SGCD: variants seen among roughly 807,000 people sequenced by gnomAD.
The protein encoded by SGCD is sarcoglycan delta, also known as delta-sarcoglycan.
A neutral mutation model predicts 36.6 loss-of-function variants in SGCD; 18 were observed. The ratio of observed to expected loss-of-function variants is 0.49; its 90% CI spans 0.34 to 0.73. The LOEUF (loss-of-function observed/expected upper bound fraction) is 0.73, where lower values mean the gene tolerates loss of function less well. SGCD is among the 30% of genes least tolerant of loss of function. The pLI is 0.01. For synonymous variants in SGCD, 133 were observed against 130.6 expected, an observed-to-expected ratio of 1.02 and a Z score of -0.12; for missense variants, 387 against 346.7, an observed-to-expected ratio of 1.12 and a Z score of -0.92.
At chr5:156,751,022 C>CCAAAATGTAT (rs1405542782) in intron 7 of SGCD, among the ~76,000 whole-genome samples, 2 of 152,110 alleles carry the variant, frequency 1.3e-5, no homozygotes, top group Non-Finnish European at 2.9e-5. Flanking sequence ...TAAGTTCATT[C>CCAAAATGTAT]CAAAATGTAT....
chr5:155,985,835 G>T (rs576345084), intron 1 of SGCD, among the ~76,000 whole-genome samples: 5 of 152,262 alleles, frequency 3.3e-5, no homozygotes, highest in Admixed American at 1.3e-4. Context: ...GTGGACAGTT[G>T]TGCCTTTGGA....
At chr5:155,734,706 T>A in the SGCD span, among the ~76,000 whole-genome samples, 1 of 152,226 alleles carries the variant, frequency 6.6e-6, no homozygotes, top group Non-Finnish European at 1.5e-5. Context: ...TCTTTTGAAC[T>A]TTGGGGGATA....
Position 155,974,316 on chromosome 5 carries a change from A to C in SGCD, c.-282+103892A>C, listed in dbSNP as rs138101510. On this transcript the variant is annotated intron_variant, in intron 1 of 9. Coordinates refer to the SGCD transcript ENST00000517913. ...AATATTAGTAATAATGATAAAATGC[A>C]ACTACTACAAAGTTGTAAGGCAACA... Among the ~76,000 whole-genome samples the C allele has an allele frequency of 5.9e-5, 9 of 152,252 alleles. No homozygotes were observed. In the East Asian group the frequency reaches 1.8e-3, roughly 30 times the overall value.
At chr5:156,447,714 C>T (rs558731604) in intron 3 of SGCD, among the ~76,000 whole-genome samples, 1 of 152,208 alleles carries the variant, frequency 6.6e-6, no homozygotes, top group Non-Finnish European at 1.5e-5. Context: ...GGCTTAATAA[C>T]TAGGTGATGG....
At chr5:155,935,823 G>A (rs1182480526) in intron 1 of SGCD, among the ~76,000 whole-genome samples, 4 of 152,182 alleles carry the variant, frequency 2.6e-5, no homozygotes, top group African/African-American at 4.8e-5. Flanking sequence ...CTTGGCTCAC[G>A]CTACCAGCAT....
At chr5:155,774,879 C>A in the SGCD span, among the ~76,000 whole-genome samples, 1 of 152,110 alleles carries the variant, frequency 6.6e-6, no homozygotes, top group African/African-American at 2.4e-5. Context: ...TTCCACAGAC[C>A]CCTACCAGTT....
intron 3 of SGCD, among the ~76,000 whole-genome samples, chr5:156,485,388 C>T (rs774315175): frequency 4.6e-5 from 7 of 152,238 alleles, no homozygotes; most frequent in South Asian, 4.1e-4. Context: ...GTGGGCCATG[C>T]GTGGTGGCTC....
intron 6 of SGCD, among the ~76,000 whole-genome samples, chr5:156,619,019 A>G (rs1351927853): frequency 6.8e-6 from 1 of 147,356 alleles, no homozygotes; most frequent in African/African-American, 2.5e-5. Context: ...AAGAGAGCCA[A>G]TTCCTTTTTT....
intron 3 of SGCD, among the ~76,000 whole-genome samples, chr5:156,417,833 A>G (rs1773124645): frequency 6.6e-6 from 1 of 152,150 alleles, no homozygotes; most frequent in Non-Finnish European, 1.5e-5. Context: ...CTACACAGGA[A>G]CTGAACTGCT....
chr5:155,818,750 G>C, the SGCD span, among the ~76,000 whole-genome samples: 2 of 152,094 alleles, frequency 1.3e-5, no homozygotes, highest in Admixed American at 6.5e-5. Flanking sequence ...TGAACTTCTG[G>C]CCTCAAGAGA....
chr5:156,163,050 A>G (rs1448895352), intron 3 of SGCD, among the ~76,000 whole-genome samples: 1 of 151,450 alleles, frequency 6.6e-6, no homozygotes, highest in East Asian at 1.9e-4. Flanking sequence ...TTCTCTCTAC[A>G]TCTTTTCTTT....
intron 4 of SGCD, among the ~76,000 whole-genome samples, chr5:156,536,496 T>C (rs1004871558): frequency 1.3e-5 from 2 of 152,220 alleles, no homozygotes; most frequent in Non-Finnish European, 2.9e-5. Context: ...AAATGTACGA[T>C]TAATGTATAA....
rs932982912 is a variant in SGCD, at chr5:156,043,699, T to C, written c.-281-74179T>C. ...GGAAGGAAGAGATTTCTTCTTTGTA[T>C]TGTAAATTAACAAAACAGCCCTACC... On this transcript the variant is annotated intron_variant, in intron 1 of 9. Coordinates refer to the SGCD transcript ENST00000517913. 5.9e-5 allele frequency among the ~76,000 whole-genome samples: 9 copies of C among 152,318 alleles called. No homozygotes were observed. The South Asian group carries it at 1.9e-3, about 32-fold the overall frequency.
chr5:156,594,997 T>C lies in SGCD; in HGVS notation c.448T>C (p.Phe150Leu). Residue 150 changes from phenylalanine (F) to leucine (L), a missense_variant, in exon 6 of 9, where the codon TTC (phenylalanine) becomes CTC (leucine). By Grantham distance (22) the Phe-to-Leu change is conservative (BLOSUM62 0). Transcript: ENST00000337851. The stretch of plus-strand genomic sequence containing the variant: ...AAAAACTGTTTCTGGAAAATTGCTC[T>C]TCTCTGCAGACAATAATGAAGTGGT... ...EVKTVSGKLLFSADNNEVVVG... is the reference protein window; with the variant it reads ...EVKTVSGKLLLSADNNEVVVG... 1 of 1,612,704 alleles carries C rather than the reference T, an allele frequency of 6.2e-7. No homozygotes were observed. Among genetic ancestry groups the C allele is most frequent in the South Asian group, 1.1e-5 (1 of 90,988 alleles).
chr5:156,614,544 T>C (rs568463684), intron 6 of SGCD, among the ~76,000 whole-genome samples: 1 of 152,384 alleles, frequency 6.6e-6, no homozygotes, highest in East Asian at 1.9e-4. Flanking sequence ...GACCATTCGC[T>C]GATCCCTTTA....
chr5:156,723,176 A>G (rs1358203742), intron 7 of SGCD, among the ~76,000 whole-genome samples: 1 of 152,206 alleles, frequency 6.6e-6, no homozygotes, highest in East Asian at 1.9e-4. Flanking sequence ...ACTACAAGGA[A>G]TGAAAGGGAA....
At chr5:156,165,189 A>G (rs1398786595) in intron 3 of SGCD, among the ~76,000 whole-genome samples, 2 of 152,176 alleles carry the variant, frequency 1.3e-5, no homozygotes, top group African/African-American at 4.8e-5. Context: ...TGCAAGTTGC[A>G]TGGAGGGAGT....
intron 1 of SGCD, among the ~76,000 whole-genome samples, chr5:155,919,158 T>C (rs898184241): frequency 2.0e-5 from 3 of 151,986 alleles, no homozygotes; most frequent in African/African-American, 4.8e-5. Context: ...CAGAACAGAG[T>C]AGAATTTTAG....
At chr5:156,452,974 T>G (rs2127808297) in intron 3 of SGCD, among the ~76,000 whole-genome samples, 1 of 152,290 alleles carries the variant, frequency 6.6e-6, no homozygotes, top group South Asian at 2.1e-4. Flanking sequence ...TTAAGCTACA[T>G]TAGGTAGAAT....
Sources: gnomAD v4.1 joint callset for allele counts (sites outside exome capture counted in the v4.1 genomes callset) on GRCh38, gnomAD v4.1.1 for gene constraint, MANE v1.5 for transcripts, NCBI Gene and HGNC (gene_info 2026-07-23, HGNC 2026-07-21) for gene names.